The following OR2A14 variants were observed in gnomAD, a reference collection of about 807,000 sequenced individuals.
OR2A14 encodes olfactory receptor family 2 subfamily A member 14.
A neutral mutation model predicts 2.4 loss-of-function variants in OR2A14; 2 were observed. The observed-to-expected ratio is 0.85, with a 90% confidence interval of 0.35 to 2.67. The LOEUF is 2.67. Among genes scored for constraint, OR2A14 ranks in the 30% most tolerant of loss-of-function variants. The pLI is 0.10. For synonymous variants in OR2A14, 160 were observed against 156.3 expected (o/e 1.02, Z -0.18); for missense variants, 390 against 379.4 (o/e 1.03, Z -0.23).
Position 144,129,449 on chromosome 7 carries a change from ATT to A in OR2A14, c.340_341del (p.Leu114GlyfsTer6), listed in dbSNP as rs995009672. 2 of 1,613,936 alleles carry A rather than the reference ATT, an allele frequency of 1.2e-6. No homozygotes were observed. The highest frequency in any genetic ancestry group is 1.7e-6 in the Non-Finnish European group (2 of 1,179,964). ...YLAFAHVECL[I>X]LVVMSYDRYA... ...GGCTTTTGCTCACGTAGAGTGTCTG[ATT>A]TTGGTGGTGATGTCCTATGATCGCT... On this transcript the variant is annotated frameshift_variant, in exon 2 of 2. Transcript: ENST00000641068. LOFTEE classifies it low-confidence loss of function (END_TRUNC).
chr7:144,130,090 A>C lies in OR2A14; in HGVS notation c.*45A>C. ...TGGGGAGGGAGCCTTGCTCCCTGCA[A>C]AATATAGAAGTTGGCTTTTTTTTTT... On this transcript the variant is annotated 3_prime_UTR_variant, in exon 2 of 2. Transcript: ENST00000641068. 1 of 1,475,748 alleles carries C rather than the reference A, an allele frequency of 6.8e-7. No individual in the cohort carries two copies. The highest frequency in any genetic ancestry group is 9.1e-7 in the Non-Finnish European group (1 of 1,102,852). 91.4% of individuals were successfully genotyped at this position (1,475,748 alleles called of 1,614,324 possible).
chr7:144,127,802 T>C lies in OR2A14; in HGVS notation c.-34-1277T>C, dbSNP rs186593389. On this transcript the variant is annotated intron_variant, in intron 1 of 1. Coordinates refer to ENST00000641068, the MANE Select transcript of OR2A14 (RefSeq NM_001001659.3). Reference sequence around the variant, plus strand: ...TAGCCTGATTTGAAAATAAAGATAGTCCTCAGGCTGTTTCTGGAATAAATG... The same window carrying C: ...TAGCCTGATTTGAAAATAAAGATAGCCCTCAGGCTGTTTCTGGAATAAATG... Among the ~76,000 whole-genome samples, 6 of 152,282 alleles carry C rather than the reference T, an allele frequency of 3.9e-5. No homozygotes were observed. The East Asian group carries it at 1.2e-3, about 29-fold the overall frequency.
chr7:144,130,191 T>G lies in OR2A14; in HGVS notation c.*146T>G. The G allele has an allele frequency of 6.7e-6, 4 of 597,688 alleles. No individual in the cohort carries two copies. The highest frequency in any genetic ancestry group is 1.1e-5 in the Non-Finnish European group (4 of 356,804). 37.0% of individuals were successfully genotyped at this position (597,688 alleles called of 1,614,324 possible). ...TACATATAAACTGAAGACACAAATC[T>G]TTTAGAAAAGATAGGTAAATGCATT... On this transcript the variant is annotated 3_prime_UTR_variant, in exon 2 of 2. Coordinates refer to ENST00000641068, the MANE Select transcript of OR2A14 (RefSeq NM_001001659.3).
chr7:144,124,440 C>T (rs1586914656), intron 1 of OR2A14, among the ~76,000 whole-genome samples: 1 of 115,444 alleles, frequency 8.7e-6, no homozygotes, highest in African/African-American at 3.4e-5. Flanking sequence ...CCAGCCTGGG[C>T]AACAAGAGCG....
intron 1 of OR2A14, among the ~76,000 whole-genome samples, 172 bp from the exon 2 acceptor site, chr7:144,128,907 C>T (rs2051503908): frequency 6.6e-6 from 1 of 152,072 alleles, no homozygotes; most frequent in Non-Finnish European, 1.5e-5. Context: ...AATATATATA[C>T]ACATATACAT....
Position 144,128,807 on chromosome 7 carries a change from G to A in OR2A14, c.-34-272G>A, listed in dbSNP as rs574618125. Among the ~76,000 whole-genome samples, 82 of 152,230 alleles carry A rather than the reference G, an allele frequency of 5.4e-4. 3 individuals carry two copies. In the South Asian group the frequency reaches 0.015, roughly 28 times the overall value. On this transcript the variant is annotated intron_variant, in intron 1 of 1. Coordinates refer to ENST00000641068, the MANE Select transcript of OR2A14 (RefSeq NM_001001659.3). ...GAGTTCTTCAAAATAACACATGTGC[G>A]TGTGTATCCCCTTATGTAGGGTATA...
At chr7:144,124,039 C>CTCA (rs2051464234) in intron 1 of OR2A14, among the ~76,000 whole-genome samples, 1 of 151,194 alleles carries the variant, frequency 6.6e-6, no homozygotes. Flanking sequence ...GAATTTATTA[C>CTCA]CCCATTTTGT....
chr7:144,125,905 T>A (rs139107493), intron 1 of OR2A14, among the ~76,000 whole-genome samples: 200 of 152,298 alleles, frequency 1.3e-3, no homozygotes, highest in African/African-American at 4.6e-3. Flanking sequence ...TTTTTTTTAC[T>A]CCTAAAGCAT....
In OR2A14 at chr7:144,130,927, A is replaced by C. The variant is rs1162331302; in HGVS notation, c.*882A>C. ...CCAATAAAACTTTATTTGTAAAAAC[A>C]GGTGGCTGCTGGAATGGTGCCCAGG... On this transcript the variant is annotated 3_prime_UTR_variant, in exon 2 of 2. Coordinates refer to ENST00000641068, the MANE Select transcript of OR2A14 (RefSeq NM_001001659.3). 1 of 152,288 alleles carries C rather than the reference A, an allele frequency of 6.6e-6. No homozygotes were observed. Among genetic ancestry groups the C allele is most frequent in the Admixed American group, 6.5e-5 (1 of 15,292 alleles). The allele number at this position is 152,288 out of a possible 1,614,324, so 9.4% of individuals were successfully genotyped here.
In OR2A14 at chr7:144,129,907, T is replaced by C. The variant is rs1461884365; in HGVS notation, c.795T>C (p.His265=). The C allele has an allele frequency of 1.2e-6, 2 of 1,614,216 alleles. No individual in the cohort carries two copies. The highest frequency in any genetic ancestry group is 1.7e-6 in the Non-Finnish European group (2 of 1,180,030). The change falls in exon 2 of 2, where the codon CAT becomes CAC. Residue 265 remains histidine, a synonymous_variant. Transcript: ENST00000641068. ...IVTYMAPKSR[H]PEEQQKVLSL... ...CGTACATGGCCCCCAAGTCCCGCCATCCTGAGGAGCAGCAGAAAGTTCTTT... is the reference window on the plus strand; with the variant it reads ...CGTACATGGCCCCCAAGTCCCGCCACCCTGAGGAGCAGCAGAAAGTTCTTT...
Position 144,130,006 on chromosome 7 carries a change from C to T in OR2A14, c.894C>T (p.Gly298=), listed in dbSNP as rs770614540. 7 of 1,613,610 alleles carry T rather than the reference C, an allele frequency of 4.3e-6. No homozygotes were observed. The African/African-American group carries it at 8.0e-5, about 18-fold the overall frequency. The change falls in exon 2 of 2, where the codon GGC becomes GGT. Residue 298 remains glycine, a synonymous_variant. Coordinates refer to ENST00000641068, the MANE Select transcript of OR2A14 (RefSeq NM_001001659.3). ...IYSLRNAEVK[G]ALRRALRKER... is the part of the protein sequence containing the mutation. The stretch of plus-strand genomic sequence containing the variant: ...GCCTAAGGAATGCAGAGGTCAAGGG[C>T]GCCCTGAGGAGGGCACTGAGGAAGG...
chr7:144,126,163 C>T (rs2051481255), intron 1 of OR2A14, among the ~76,000 whole-genome samples: 1 of 152,174 alleles, frequency 6.6e-6, no homozygotes, highest in African/African-American at 2.4e-5. Context: ...AAACAGTTTC[C>T]TATTTCAAAT....
At chr7:144,128,387 A>G (rs529684852) in intron 1 of OR2A14, among the ~76,000 whole-genome samples, 2 of 152,326 alleles carry the variant, frequency 1.3e-5, no homozygotes, top group East Asian at 3.9e-4. Context: ...AATTTACAAT[A>G]ACAGATGCTG....
At chr7:144,127,631 A>C (rs1219708728) in intron 1 of OR2A14, among the ~76,000 whole-genome samples, 1 of 152,230 alleles carries the variant, frequency 6.6e-6, no homozygotes, top group Admixed American at 6.5e-5. Flanking sequence ...ATACAGGAAA[A>C]GTATTATATT....
intron 1 of OR2A14, among the ~76,000 whole-genome samples, chr7:144,124,704 A>G: frequency 6.6e-6 from 1 of 152,060 alleles, no homozygotes; most frequent in African/African-American, 2.4e-5. Flanking sequence ...CAAAAAATTA[A>G]TCCTCTCTCT....
chr7:144,123,911 T>C (rs2051462892), intron 1 of OR2A14, among the ~76,000 whole-genome samples: 1 of 152,134 alleles, frequency 6.6e-6, no homozygotes, highest in Non-Finnish European at 1.5e-5. Context: ...CTCCTTATGA[T>C]GACTGGATCC....
At chr7:144,124,353 T>C (rs889874096) in intron 1 of OR2A14, among the ~76,000 whole-genome samples, 1 of 150,466 alleles carries the variant, frequency 6.6e-6, no homozygotes, top group Non-Finnish European at 1.5e-5. Context: ...TCCCAGCTAC[T>C]TGGGGAGCTG....
rs267601376 is a variant in OR2A14 at position 144,129,358 on chromosome 7, G to A, written c.246G>A (p.Thr82=). Residue 82 remains threonine (T), a synonymous_variant, in exon 2 of 2, where the codon ACG becomes ACA. Transcript: ENST00000641068. ...CCAACTATGTCCCCAAGATGCTGACGAATCTTATGAACCAGGAAAGCACCA... is the reference window on the plus strand; with the variant it reads ...CCAACTATGTCCCCAAGATGCTGACAAATCTTATGAACCAGGAAAGCACCA... The part of the protein sequence containing the change: ...YASNYVPKML[T]NLMNQESTIS... 23 of 1,614,052 alleles carry A rather than the reference G, an allele frequency of 1.4e-5. No homozygotes were observed. The highest frequency in any genetic ancestry group is 5.0e-5 in the Admixed American group (3 of 60,008).
intron 1 of OR2A14, among the ~76,000 whole-genome samples, chr7:144,124,250 G>A (rs1245814899): frequency 1.3e-5 from 2 of 152,128 alleles, no homozygotes; most frequent in East Asian, 3.9e-4. Flanking sequence ...ATCACCTGAG[G>A]TCAGGAGTTT....
Sources: gnomAD v4.1 joint callset for allele counts (sites outside exome capture counted in the v4.1 genomes callset) on GRCh38, gnomAD v4.1.1 for gene constraint, MANE v1.5 for transcripts, NCBI Gene and HGNC (gene_info 2026-07-23, HGNC 2026-07-21) for gene names.